Variants in TNFSF13B observed in about 807,000 individuals in gnomAD.
The protein encoded by TNFSF13B is TNF superfamily member 13b.
In TNFSF13B, 8 loss-of-function variants were observed where a neutral mutation model predicts 29.1. The observed-to-expected ratio is 0.27, with a 90% CI of 0.16 to 0.50. TNFSF13B has a LOEUF of 0.50. Ranked by LOEUF, TNFSF13B falls within the 20% of genes least tolerant of loss-of-function variation. The pLI is 0.98. For missense variants in TNFSF13B, 248 were observed against 334.9 expected (o/e 0.74, Z 2.03); for synonymous variants, 125 against 130.8 (o/e 0.96, Z 0.30).
chr13:108,274,834 A>C (rs1281050041), intron 2 of TNFSF13B, among the ~76,000 whole-genome samples: 1 of 152,164 alleles, frequency 6.6e-6, no homozygotes, highest in African/African-American at 2.4e-5. Context: ...TTTAGAACCA[A>C]GTATTTTTAT....
intron 2 of TNFSF13B, among the ~76,000 whole-genome samples, chr13:108,281,653 A>C (rs980931663): frequency 1.3e-5 from 2 of 152,196 alleles, no homozygotes; most frequent in African/African-American, 4.8e-5. Context: ...CAAGATTGAG[A>C]ACTCTACTTA....
chr13:108,303,218 G>A, intron 3 of TNFSF13B, 35 bp from the exon 4 acceptor site: 1 of 1,478,156 alleles, frequency 6.8e-7, no homozygotes, highest in South Asian at 1.3e-5. Context: ...GCTTTTCTTG[G>A]TTTCTTTCCT....
chr13:108,298,288 A>G (rs1881511473), intron 3 of TNFSF13B, among the ~76,000 whole-genome samples: 1 of 145,212 alleles, frequency 6.9e-6, no homozygotes, highest in African/African-American at 2.6e-5. Context: ...AAATGAAGTT[A>G]AAAAAGAATA....
At chr13:108,276,160 A>C (rs548333637) in intron 2 of TNFSF13B, among the ~76,000 whole-genome samples, 1 of 152,322 alleles carries the variant, frequency 6.6e-6, no homozygotes, top group South Asian at 2.1e-4. Flanking sequence ...GGAAGCGTGC[A>C]ATGTAGAACT....
intron 2 of TNFSF13B, among the ~76,000 whole-genome samples, chr13:108,284,359 TAAATAAAC>T (rs756896286): frequency 0.063 from 5,938 of 94,166 alleles, 177 homozygotes; most frequent in Admixed American, 0.1. Flanking sequence ...AATAAATGAA[TAAATAAAC>T]AAACAAACAA....
chr13:108,308,092 A>T lies in TNFSF13B; in HGVS notation c.*1154A>T, dbSNP rs940724909. 4 of 151,800 alleles carry T rather than the reference A, an allele frequency of 2.6e-5. No individual in the cohort carries two copies. Among genetic ancestry groups the T allele is most frequent in the Non-Finnish European group, 5.9e-5 (4 of 67,956 alleles). The allele number at this position is 151,800 out of a possible 1,614,324, so 9.4% of individuals were successfully genotyped here. ...CGCTTTGCTTGTCTTTTATGTCATC[A>T]GTTTTAACTGTTTACTTCATTTAAC... On this transcript the variant is annotated 3_prime_UTR_variant, in exon 6 of 6. Transcript: ENST00000375887.
intron 2 of TNFSF13B, among the ~76,000 whole-genome samples, chr13:108,283,285 T>C (rs997650225): frequency 1.3e-5 from 2 of 152,256 alleles, no homozygotes; most frequent in Non-Finnish European, 2.9e-5. Context: ...AGGACAATTA[T>C]TCATTCTGCA....
chr13:108,284,874 A>G (rs1292649908), intron 2 of TNFSF13B, among the ~76,000 whole-genome samples: 6 of 152,198 alleles, frequency 3.9e-5, no homozygotes, highest in African/African-American at 1.4e-4. Context: ...CTACTGTACT[A>G]CTATAGAGAC....
chr13:108,289,862 G>T (rs1176910686), intron 3 of TNFSF13B, among the ~76,000 whole-genome samples: 2 of 151,802 alleles, frequency 1.3e-5, no homozygotes, highest in African/African-American at 2.4e-5. Context: ...GACAAGAGGG[G>T]TTTATCAGAG....
At position 108,294,807 on chromosome 13, in the gene TNFSF13B, A is replaced by G. The variant is rs1421569375; in HGVS notation, c.481+7948A>G. Among the ~76,000 whole-genome samples, 3 of 145,074 alleles carry G rather than the reference A, an allele frequency of 2.1e-5. 1 individual carries two copies. The highest frequency in any genetic ancestry group is 4.6e-5 in the Non-Finnish European group (3 of 65,450). On this transcript the variant is annotated intron_variant, in intron 3 of 5. Transcript: ENST00000375887. ...AAGATTGATGTTAATTTTTCTTTAA[A>G]TGTCTAGTAAAATTCACCAGTAAAA...
rs563522014 is a variant in TNFSF13B at position 108,288,955 on chromosome 13, G to T, written c.481+2096G>T. Among the ~76,000 whole-genome samples, 7 of 152,180 alleles carry T rather than the reference G, an allele frequency of 4.6e-5. No individual in the cohort carries two copies. In the East Asian group the frequency reaches 1.4e-3, roughly 29 times the overall value. The stretch of plus-strand genomic sequence containing the variant: ...TCTTTTCATCTGTGTTTTTTTCTGC[G>T]TGACTTTAATTGTCCTAAATGCAAC... On this transcript the variant is annotated intron_variant, in intron 3 of 5. Coordinates refer to ENST00000375887, the MANE Select transcript of TNFSF13B (RefSeq NM_006573.5).
At chr13:108,284,283 C>A (rs1486035188) in intron 2 of TNFSF13B, among the ~76,000 whole-genome samples, 3 of 152,038 alleles carry the variant, frequency 2.0e-5, no homozygotes, top group African/African-American at 4.8e-5. Flanking sequence ...GAGCTGAGAT[C>A]GCGCCACTGC....
rs1327441176 is a variant in TNFSF13B at position 108,303,249 on chromosome 13, G to T, written c.482-4G>T. On this transcript the variant is annotated splice_region_variant and splice_polypyrimidine_tract_variant and intron_variant, in intron 3 of 5. Transcript: ENST00000375887. ...TTCCTTATAAATGATTCTCTTCATT[G>T]CAGGATCTTACACATTTGTTCCATG... The T allele has an allele frequency of 6.3e-7, 1 of 1,594,942 alleles. No individual in the cohort carries two copies.
At chr13:108,270,467 G>T in intron 2 of TNFSF13B, 43 bp downstream of exon 2, 1 of 1,569,536 alleles carries the variant, frequency 6.4e-7, no homozygotes, top group South Asian at 1.1e-5. Flanking sequence ...AGGGATTAGA[G>T]AATAACATCC....
At chr13:108,300,030 A>G (rs935127444) in intron 3 of TNFSF13B, among the ~76,000 whole-genome samples, 14 of 152,266 alleles carry the variant, frequency 9.2e-5, no homozygotes, top group African/African-American at 3.1e-4. Flanking sequence ...TAACAAATCA[A>G]TCTAAATTAT....
rs1316826510 is a variant in TNFSF13B at position 108,295,454 on chromosome 13, A to G, written c.482-7799A>G. Among the ~76,000 whole-genome samples the G allele has an allele frequency of 2.1e-5, 3 of 144,990 alleles. 1 individual carries two copies. Among genetic ancestry groups the G allele is most frequent in the Non-Finnish European group, 4.6e-5 (3 of 65,380 alleles). On this transcript the variant is annotated intron_variant, in intron 3 of 5. Coordinates refer to ENST00000375887, the MANE Select transcript of TNFSF13B (RefSeq NM_006573.5). The stretch of plus-strand genomic sequence containing the variant: ...ATGATTCACCCGCCTTGGCCTCTCA[A>G]AATGCTGGGATTGCATGTGAGCCAC...
chr13:108,281,635 A>G (rs1486426722), intron 2 of TNFSF13B, among the ~76,000 whole-genome samples: 1 of 152,072 alleles, frequency 6.6e-6, no homozygotes, highest in Non-Finnish European at 1.5e-5. Context: ...TGTCAGGCAG[A>G]CCCCTCCCAA....
At chr13:108,282,237 G>A (rs762727145) in intron 2 of TNFSF13B, among the ~76,000 whole-genome samples, 16 of 152,144 alleles carry the variant, frequency 1.1e-4, no homozygotes, top group Non-Finnish European at 2.1e-4. Flanking sequence ...TGGGATAATC[G>A]TAATGGGAAT....
chr13:108,286,941 C>T (rs1041201993), intron 3 of TNFSF13B, 82 bp downstream of exon 3: 26 of 942,760 alleles, frequency 2.8e-5, no homozygotes, highest in East Asian at 1.9e-4. Flanking sequence ...GGCACATATA[C>T]GCTATGGAAT....
Sources: gnomAD v4.1 joint callset for allele counts (sites outside exome capture counted in the v4.1 genomes callset) on GRCh38, gnomAD v4.1.1 for gene constraint, MANE v1.5 for transcripts, NCBI Gene and HGNC (gene_info 2026-07-23, HGNC 2026-07-21) for gene names.